The following RXFP1 variants were observed in gnomAD, a reference collection of about 807,000 sequenced individuals.
RXFP1 encodes the protein relaxin receptor 1.
Under a neutral mutation model 89.8 loss-of-function variants are expected in RXFP1, and 73 were observed. The ratio of observed to expected loss-of-function variants is 0.81; its 90% CI spans 0.67 to 0.99. RXFP1 has a LOEUF of 0.99. Ranked by LOEUF, RXFP1 falls within the 50% of genes least tolerant of loss-of-function variation. RXFP1 has a pLI of 0.00. For missense variants in RXFP1, 793 were observed against 895.5 expected (o/e 0.89, Z 1.46); for synonymous variants, 277 against 305.5 (o/e 0.91, Z 0.97).
At chr4:158,633,282 G>T in intron 11 of RXFP1, 123 bp from the exon 12 acceptor site, 1 of 598,738 alleles carries the variant, frequency 1.7e-6, no homozygotes, top group Non-Finnish European at 3.0e-6. Context: ...TTAGACTTCT[G>T]GTGATTAATA....
chr4:158,585,229 T>C (rs904490198), intron 2 of RXFP1, among the ~76,000 whole-genome samples: 1 of 152,260 alleles, frequency 6.6e-6, no homozygotes, highest in Non-Finnish European at 1.5e-5. Flanking sequence ...GCCTGAGTTC[T>C]CATTTCATCA....
chr4:158,623,768 G>A (rs7695391), intron 9 of RXFP1, among the ~76,000 whole-genome samples: 39,732 of 151,910 alleles, frequency 0.26, 8,647 homozygotes, highest in African/African-American at 0.59. Context: ...TTACAGTGTA[G>A]AACTTCAGGA....
chr4:158,649,186 C>T (rs1772144085), intron 17 of RXFP1, among the ~76,000 whole-genome samples: 1 of 151,952 alleles, frequency 6.6e-6, no homozygotes, highest in Non-Finnish European at 1.5e-5. Context: ...TGGGGAAGAA[C>T]TGTTTATTTT....
At position 158,653,075 on chromosome 4, in the gene RXFP1, A is replaced by C. The variant is rs986575565; in HGVS notation, c.*1020A>C. ...GGAAAGGTCTGTATGTACACATTTC[A>C]CTTTAAGCAGAAAATCTTTCTTCAA... is the stretch of plus-strand genomic sequence containing the variant. On this transcript the variant is annotated 3_prime_UTR_variant, in exon 18 of 18. Coordinates refer to ENST00000307765, the MANE Select transcript of RXFP1 (RefSeq NM_021634.4). 5 of 152,228 alleles carry C rather than the reference A, an allele frequency of 3.3e-5. No homozygotes were observed. The highest frequency in any genetic ancestry group is 1.2e-4 in the African/African-American group (5 of 41,460). 9.4% of individuals were successfully genotyped at this position (152,228 alleles called of 1,614,324 possible).
intron 2 of RXFP1, among the ~76,000 whole-genome samples, chr4:158,585,163 G>A (rs1451332846): frequency 6.6e-6 from 1 of 152,190 alleles, no homozygotes; most frequent in Admixed American, 6.5e-5. Flanking sequence ...TTTTCAAAAT[G>A]TACTAATAGG....
rs1408045424 is a variant in RXFP1 at position 158,572,971 on chromosome 4, C to T, written c.187+136C>T. 5 of 1,269,242 alleles carry T rather than the reference C, an allele frequency of 3.9e-6. No homozygotes were observed. The African/African-American group carries it at 4.5e-5, about 11-fold the overall frequency. 78.6% of individuals were successfully genotyped at this position (1,269,242 alleles called of 1,614,324 possible). On this transcript the variant is annotated intron_variant, in intron 2 of 17. Transcript: ENST00000307765. ...ATATGTTGCTTAAGGAAATCTTACA[C>T]TTATTTCAGTAGCTTAAAATATCCA...
At chr4:158,590,390 C>A (rs911706111) in intron 2 of RXFP1, among the ~76,000 whole-genome samples, 1 of 152,172 alleles carries the variant, frequency 6.6e-6, no homozygotes, top group Non-Finnish European at 1.5e-5. Flanking sequence ...AAAATCCTGA[C>A]CTCAAGTGAT....
At chr4:158,536,006 T>G (rs1288698780) in intron 1 of RXFP1, among the ~76,000 whole-genome samples, 1 of 152,196 alleles carries the variant, frequency 6.6e-6, no homozygotes, top group Non-Finnish European at 1.5e-5. Flanking sequence ...GGACAATAGA[T>G]GGACAAAGTG....
chr4:158,557,320 G>A (rs1751523254), intron 1 of RXFP1, among the ~76,000 whole-genome samples: 1 of 152,110 alleles, frequency 6.6e-6, no homozygotes, highest in Non-Finnish European at 1.5e-5. Flanking sequence ...TAATAATTTA[G>A]GTTTGTATGT....
chr4:158,580,240 G>T (rs1228261375), intron 2 of RXFP1, among the ~76,000 whole-genome samples: 1 of 152,118 alleles, frequency 6.6e-6, no homozygotes, highest in East Asian at 1.9e-4. Flanking sequence ...TTGCCTCCGG[G>T]GTGTGTGGGC....
intron 15 of RXFP1, among the ~76,000 whole-genome samples, chr4:158,645,663 G>A (rs1227587570): frequency 6.6e-6 from 1 of 152,054 alleles, no homozygotes; most frequent in Non-Finnish European, 1.5e-5. Context: ...GTAATGGCAA[G>A]GTGTTATGTT....
rs1028173796 is a variant in RXFP1 at position 158,625,849 on chromosome 4, G to T, written c.756-971G>T. ...ACCAGTAAGCTGAGTGTTAGAAGAG[G>T]CTGAATAGATTTAAGGGCCGGCATT... On this transcript the variant is annotated intron_variant, in intron 9 of 17. Coordinates refer to ENST00000307765, the MANE Select transcript of RXFP1 (RefSeq NM_021634.4). Among the ~76,000 whole-genome samples, 10 of 152,116 alleles carry T rather than the reference G, an allele frequency of 6.6e-5. No homozygotes were observed. The East Asian group carries it at 1.9e-3, about 29-fold the overall frequency.
intron 1 of RXFP1, among the ~76,000 whole-genome samples, chr4:158,529,546 C>T (rs567500742): frequency 3.3e-5 from 5 of 152,308 alleles, no homozygotes; most frequent in African/African-American, 1.2e-4. Context: ...AGGTGTGAGC[C>T]ACTGCTCCCA....
At chr4:158,595,282 G>A (rs1760318946) in intron 3 of RXFP1, among the ~76,000 whole-genome samples, 1 of 152,222 alleles carries the variant, frequency 6.6e-6, no homozygotes, top group Non-Finnish European at 1.5e-5. Flanking sequence ...AAACAGTCAT[G>A]AATGAGCAAT....
intron 3 of RXFP1, among the ~76,000 whole-genome samples, chr4:158,596,222 A>T (rs1579926907): frequency 6.6e-6 from 1 of 151,686 alleles, no homozygotes; most frequent in Admixed American, 6.6e-5. Context: ...GTCTCAAAAC[A>T]GTTTTTTTCT....
intron 15 of RXFP1, among the ~76,000 whole-genome samples, chr4:158,646,144 C>T (rs1304530739): frequency 6.6e-6 from 1 of 152,058 alleles, no homozygotes; most frequent in Non-Finnish European, 1.5e-5. Flanking sequence ...GAGCTAATTC[C>T]TGGGATCGGA....
chr4:158,547,872 A>C (rs1488509431), intron 1 of RXFP1, among the ~76,000 whole-genome samples: 1 of 152,090 alleles, frequency 6.6e-6, no homozygotes, highest in African/African-American at 2.4e-5. Flanking sequence ...ACTTCCAACT[A>C]TGTGGTCAAT....
intron 1 of RXFP1, among the ~76,000 whole-genome samples, chr4:158,550,978 A>C (rs373186541): frequency 7.6e-4 from 115 of 152,236 alleles, no homozygotes; most frequent in African/African-American, 2.6e-3. Flanking sequence ...GCTCTAAAAC[A>C]TGAAGAAAAA....
intron 1 of RXFP1, 119 bp from the exon 2 acceptor site, chr4:158,572,579 G>C: frequency 1.1e-6 from 1 of 882,848 alleles, no homozygotes; most frequent in Admixed American, 1.9e-5. Flanking sequence ...CATCAGGGTT[G>C]TATGTAGAAA....
Sources: gnomAD v4.1 joint callset for allele counts (sites outside exome capture counted in the v4.1 genomes callset) on GRCh38, gnomAD v4.1.1 for gene constraint, MANE v1.5 for transcripts, NCBI Gene and HGNC (gene_info 2026-07-23, HGNC 2026-07-21) for gene names.